Variants in ENTPD5 observed in about 807,000 individuals in gnomAD.
The protein encoded by ENTPD5 is ectonucleoside triphosphate diphosphohydrolase 5 (inactive), also known as nucleoside diphosphate phosphatase ENTPD5.
A neutral mutation model predicts 60.2 loss-of-function variants in ENTPD5; 49 were observed. The ratio of observed to expected loss-of-function variants is 0.81; its 90% CI spans 0.65 to 1.03. The LOEUF is 1.03. Ranked by LOEUF, ENTPD5 falls within the 50% of genes least tolerant of loss-of-function variation. ENTPD5 has a pLI of 0.00. For synonymous variants in ENTPD5, 187 were observed against 185.4 expected, an observed-to-expected ratio of 1.01 and a Z score of -0.07; for missense variants, 480 against 507.6, an observed-to-expected ratio of 0.95 and a Z score of 0.52.
intron 3 of ENTPD5, among the ~76,000 whole-genome samples, chr14:73,997,426 C>T (rs146832776): frequency 6.6e-6 from 1 of 152,078 alleles, no homozygotes; most frequent in African/African-American, 2.4e-5. Flanking sequence ...GAAAGGTCCA[C>T]CAAAAGGTCC....
chr14:73,980,660 T>C (rs905518733), intron 6 of ENTPD5, among the ~76,000 whole-genome samples: 6 of 152,256 alleles, frequency 3.9e-5, no homozygotes, highest in African/African-American at 1.4e-4. Context: ...CCTCCCAAAA[T>C]GTTGAGATTA....
chr14:73,978,131 TAA>T (rs1446814497), intron 6 of ENTPD5, among the ~76,000 whole-genome samples: 1 of 152,146 alleles, frequency 6.6e-6, no homozygotes, highest in Non-Finnish European at 1.5e-5. Context: ...AAAAACCAGT[TAA>T]GTTATATATA....
chr14:74,006,708 C>T (rs1337102348), intron 3 of ENTPD5, among the ~76,000 whole-genome samples: 2 of 151,882 alleles, frequency 1.3e-5, no homozygotes, highest in Non-Finnish European at 2.9e-5. Flanking sequence ...GCCTTAGCCT[C>T]CTGACTAGCT....
At chr14:73,991,870 T>C (rs1347789467) in intron 3 of ENTPD5, among the ~76,000 whole-genome samples, 1 of 149,140 alleles carries the variant, frequency 6.7e-6, no homozygotes, top group East Asian at 2.0e-4. Context: ...TTTTTTTAAA[T>C]AGCCTGTAAT....
downstream of ENTPD5, chr14:73,960,402 C>T (rs1395944470): frequency 2.5e-5 from 25 of 987,896 alleles, no homozygotes; most frequent in Middle Eastern, 5.2e-4. Context: ...ACCAGTATTA[C>T]TTTTGGAGCC....
chr14:74,002,544 G>C (rs1338888167), intron 3 of ENTPD5, among the ~76,000 whole-genome samples: 1 of 151,564 alleles, frequency 6.6e-6, no homozygotes, highest in Non-Finnish European at 1.5e-5. Context: ...TGGGATAACA[G>C]GGTTGAGCCA....
intron 12 of ENTPD5, 50 bp from the exon 13 acceptor site, chr14:73,973,074 G>C: frequency 1.9e-6 from 3 of 1,604,348 alleles, no homozygotes; most frequent in Non-Finnish European, 2.6e-6. Context: ...GCTGGGGGAA[G>C]GGGACACTCT....
intron 3 of ENTPD5, among the ~76,000 whole-genome samples, chr14:74,000,910 G>A (rs770164037): frequency 1.5e-4 from 23 of 152,080 alleles, no homozygotes; most frequent in African/African-American, 4.6e-4. Context: ...GAAAAGTATC[G>A]TTTGATTTCA....
At chr14:73,972,561 G>T (rs2057272302) in intron 13 of ENTPD5, among the ~76,000 whole-genome samples, 1 of 152,098 alleles carries the variant, frequency 6.6e-6, no homozygotes, top group Non-Finnish European at 1.5e-5. Flanking sequence ...TTTTTGTGGT[G>T]AATATGTTTA....
rs765854085 is a variant in ENTPD5, at chr14:73,986,835, A to G, written c.276T>C (p.Ala92=). The G allele has an allele frequency of 1.7e-5, 27 of 1,613,980 alleles. No individual in the cohort carries two copies. The highest frequency in any genetic ancestry group is 2.3e-5 in the Non-Finnish European group (27 of 1,179,968). The change falls in exon 5 of 16, where the codon GCT becomes GCC. Residue 92 remains alanine (A), a synonymous_variant. Transcript: ENST00000334696. ...VFDSVKPGLS[A]FVDQPKQGAE... ...TCACCTGCTTAGGTTGATCTACAAA[A>G]GCAGAAAGTCCTGGCTTCACAGAAT...
rs2056986199 is a variant in ENTPD5, at chr14:73,966,715, T to A, written c.*213A>T. The A allele has an allele frequency of 2.2e-6, 1 of 449,654 alleles. No individual in the cohort carries two copies. Among genetic ancestry groups the A allele is most frequent in the Admixed American group, 4.0e-5 (1 of 25,284 alleles). 27.9% of individuals were successfully genotyped at this position (449,654 alleles called of 1,614,324 possible). A position where few individuals can be genotyped will look rare whatever the true frequency, so the allele number is the denominator to read the frequency against. ...CCAAGGTTAAGTTCCAAAACTATAC[T>A]TTTTGGCTCACAGGGCTCTCTGTGA... On this transcript the variant is annotated 3_prime_UTR_variant, in exon 16 of 16. Transcript: ENST00000334696.
chr14:73,961,583 A>C (rs7141392), downstream of ENTPD5: 6 of 1,613,618 alleles, frequency 3.7e-6, no homozygotes, highest in South Asian at 6.6e-5. Flanking sequence ...AAGGATTCAG[A>C]TACTATGGGG....
downstream of ENTPD5, chr14:73,959,134 A>G (rs2056583671): frequency 6.2e-7 from 1 of 1,614,220 alleles, no homozygotes; most frequent in Non-Finnish European, 8.5e-7. Context: ...GGTACTTCAC[A>G]GAGAAACTTT....
intron 3 of ENTPD5, among the ~76,000 whole-genome samples, chr14:73,995,872 C>A (rs186488902): frequency 6.6e-6 from 1 of 152,046 alleles, no homozygotes; most frequent in Non-Finnish European, 1.5e-5. Flanking sequence ...CTCTTATTCA[C>A]CCCCCAACAA....
intron 3 of ENTPD5, among the ~76,000 whole-genome samples, chr14:74,007,966 G>A (rs912908335): frequency 6.6e-6 from 1 of 151,120 alleles, no homozygotes; most frequent in East Asian, 2.0e-4. Flanking sequence ...CAGAAGCTGG[G>A]ATTATAGGCA....
chr14:73,993,095 G>A (rs972810093), intron 3 of ENTPD5, among the ~76,000 whole-genome samples: 3 of 152,190 alleles, frequency 2.0e-5, no homozygotes, highest in Admixed American at 6.5e-5. Context: ...CCGGCAGTTC[G>A]ACAGGCCAAG....
chr14:73,986,021 G>A (rs2057888298), intron 5 of ENTPD5, among the ~76,000 whole-genome samples: 1 of 147,560 alleles, frequency 6.8e-6, no homozygotes. Flanking sequence ...GTAGTAAGCC[G>A]AGATCAGGCC....
At chr14:73,967,184 G>A (rs71429028) in intron 15 of ENTPD5, among the ~76,000 whole-genome samples, 170 bp from the exon 16 acceptor site, 5 of 152,166 alleles carry the variant, frequency 3.3e-5, no homozygotes, top group Admixed American at 6.6e-5. Context: ...ATTTCCTTCC[G>A]GCCATGGCCC....
At chr14:73,960,156 C>G (rs971096543), downstream of ENTPD5, 19 of 988,102 alleles carry the variant, frequency 1.9e-5, no homozygotes, top group Non-Finnish European at 2.3e-5. Context: ...AAGCCTGATT[C>G]ATTGAAAGTA....
Sources: allele counts gnomAD v4.1 joint callset (sites outside exome capture counted in the v4.1 genomes callset), GRCh38; gene constraint gnomAD v4.1.1; transcripts MANE v1.5; gene names NCBI Gene and HGNC (gene_info 2026-07-23, HGNC 2026-07-21).